Variants in ADAMTS19 observed in about 807,000 individuals in gnomAD.
ADAMTS19 encodes ADAM metallopeptidase with thrombospondin type 1 motif 19.
Under a neutral mutation model 153.3 loss-of-function variants are expected in ADAMTS19, and 93 were observed. The observed-to-expected ratio is 0.61, with a 90% CI of 0.51 to 0.72. The LOEUF (loss-of-function observed/expected upper bound fraction) is 0.72, where lower values mean the gene tolerates loss of function less well. ADAMTS19 is among the 30% of genes least tolerant of loss of function. ADAMTS19 has a pLI of 0.00. For missense variants in ADAMTS19, 1,482 were observed against 1,552.1 expected, an observed-to-expected ratio of 0.95 and a Z score of 0.76; for synonymous variants, 600 against 556.6, an observed-to-expected ratio of 1.08 and a Z score of -1.10.
At chr5:129,541,329 T>G (rs1017973518) in intron 6 of ADAMTS19, among the ~76,000 whole-genome samples, 5 of 152,018 alleles carry the variant, frequency 3.3e-5, no homozygotes, top group African/African-American at 1.2e-4. Context: ...TGTTTCACAT[T>G]ATGTAAATCA....
intron 3 of ADAMTS19, among the ~76,000 whole-genome samples, chr5:129,515,851 C>T (rs1751586974): frequency 6.6e-6 from 1 of 151,866 alleles, no homozygotes; most frequent in African/African-American, 2.4e-5. Context: ...GAGTGGGCAT[C>T]CTTGTAGTGT....
At chr5:129,648,623 A>G (rs1408121906) in intron 12 of ADAMTS19, among the ~76,000 whole-genome samples, 175 bp from the exon 13 acceptor site, 1 of 152,152 alleles carries the variant, frequency 6.6e-6, no homozygotes, top group African/African-American at 2.4e-5. Context: ...GAAAATATAT[A>G]TAGTTAAAGA....
At chr5:129,515,832 C>T (rs1751586165) in intron 3 of ADAMTS19, among the ~76,000 whole-genome samples, 1 of 151,832 alleles carries the variant, frequency 6.6e-6, no homozygotes, top group Admixed American at 6.6e-5. Flanking sequence ...TATTGAATAA[C>T]AGTGGAGAGA....
chr5:129,624,469 A>AAGTT (rs1300839702), intron 10 of ADAMTS19, among the ~76,000 whole-genome samples: 2 of 152,138 alleles, frequency 1.3e-5, no homozygotes, highest in Non-Finnish European at 2.9e-5. Flanking sequence ...TTACAGGCTG[A>AAGTT]AGTTACTATT....
At chr5:129,486,461 C>T (rs1472274914) in intron 2 of ADAMTS19, among the ~76,000 whole-genome samples, 1 of 152,036 alleles carries the variant, frequency 6.6e-6, no homozygotes, top group Non-Finnish European at 1.5e-5. Context: ...TCATTCACCA[C>T]CATAAATGAA....
At chr5:129,686,424 T>A (rs1304322669) in intron 18 of ADAMTS19, among the ~76,000 whole-genome samples, 1 of 152,078 alleles carries the variant, frequency 6.6e-6, no homozygotes, top group Middle Eastern at 3.2e-3. Flanking sequence ...GAAAGACTTG[T>A]TAGTCTCATG....
chr5:129,575,317 T>G (rs1754062011), intron 7 of ADAMTS19, among the ~76,000 whole-genome samples: 1 of 152,080 alleles, frequency 6.6e-6, no homozygotes, highest in South Asian at 2.1e-4. Flanking sequence ...GATATTTAAT[T>G]TTTTAATTGT....
intron 13 of ADAMTS19, among the ~76,000 whole-genome samples, chr5:129,649,758 TATAA>T (rs964885829): frequency 1.3e-5 from 2 of 152,194 alleles, no homozygotes; most frequent in African/African-American, 2.4e-5. Context: ...GTTGCTCAGG[TATAA>T]CCATGGGGAG....
At position 129,641,920 on chromosome 5, in the gene ADAMTS19, TA is replaced by T; in HGVS notation, c.1833del (p.Asp612ThrfsTer58). The T allele has an allele frequency of 6.2e-7, 1 of 1,604,872 alleles. No individual in the cohort carries two copies. The highest frequency in any genetic ancestry group is 8.5e-7 in the Non-Finnish European group (1 of 1,174,790). ...VEGEKECRTK[L>X]DPPMDGTDCD... ...GGTGAGAAAGAATGCAGAACCAAGC[TA>T]GACCCACCAATGGATGGAACTGACT... On this transcript the variant is annotated frameshift_variant, in exon 11 of 23. Transcript: ENST00000274487. LOFTEE classifies it high-confidence loss of function.
chr5:129,660,262 C>A (rs1178463539), intron 15 of ADAMTS19, among the ~76,000 whole-genome samples: 1 of 152,116 alleles, frequency 6.6e-6, no homozygotes, highest in Non-Finnish European at 1.5e-5. Context: ...CATCAAAAAT[C>A]TGCTGGCACT....
chr5:129,577,631 T>TA (rs1749207622), intron 7 of ADAMTS19, among the ~76,000 whole-genome samples: 1 of 152,134 alleles, frequency 6.6e-6, no homozygotes, highest in Non-Finnish European at 1.5e-5. Flanking sequence ...CAAGAGGTCC[T>TA]AAGATGTAAC....
chr5:129,525,886 A>G (rs920140130), intron 3 of ADAMTS19, among the ~76,000 whole-genome samples: 1 of 152,006 alleles, frequency 6.6e-6, no homozygotes, highest in African/African-American at 2.4e-5. Flanking sequence ...CTTTCAACTA[A>G]CAAGACCTTT....
chr5:129,707,909 A>G (rs1040210201), intron 21 of ADAMTS19, among the ~76,000 whole-genome samples: 5 of 152,160 alleles, frequency 3.3e-5, no homozygotes, highest in African/African-American at 1.2e-4. Flanking sequence ...TCCCTGGGAG[A>G]ATCAAAAGAA....
At chr5:129,673,979 C>A (rs968353833) in intron 16 of ADAMTS19, among the ~76,000 whole-genome samples, 7 of 152,080 alleles carry the variant, frequency 4.6e-5, no homozygotes, top group African/African-American at 1.7e-4. Flanking sequence ...GCCTGTAATG[C>A]CAGCACTTTG....
At chr5:129,617,114 G>A (rs764486830) in intron 8 of ADAMTS19, among the ~76,000 whole-genome samples, 1 of 151,984 alleles carries the variant, frequency 6.6e-6, no homozygotes, top group Non-Finnish European at 1.5e-5. Context: ...ACAGATTAAG[G>A]AACACAATTA....
At chr5:129,522,332 C>CATTATATATATATATAT (rs1751850140) in intron 3 of ADAMTS19, among the ~76,000 whole-genome samples, 1 of 58,626 alleles carries the variant, frequency 1.7e-5, no homozygotes, top group African/African-American at 8.9e-5. Context: ...CACACACACA[C>CATTATATATATATATAT]ATATATATAT....
chr5:129,709,550 G>T (rs1453003657), intron 21 of ADAMTS19, among the ~76,000 whole-genome samples: 2 of 152,050 alleles, frequency 1.3e-5, no homozygotes, highest in Non-Finnish European at 2.9e-5. Flanking sequence ...TTCAAAAAAA[G>T]TACAAATTAA....
At chr5:129,516,991 G>A (rs1324928283) in intron 3 of ADAMTS19, among the ~76,000 whole-genome samples, 2 of 131,548 alleles carry the variant, frequency 1.5e-5, no homozygotes, top group African/African-American at 5.7e-5. Context: ...CATTATCTTT[G>A]TTTCAAGAAA....
chr5:129,672,845 T>C (rs1754368669), intron 16 of ADAMTS19, among the ~76,000 whole-genome samples: 1 of 152,002 alleles, frequency 6.6e-6, no homozygotes, highest in Admixed American at 6.6e-5. Context: ...TACATACATA[T>C]ATGGCTATTC....
Sources: gnomAD v4.1 joint callset for allele counts (sites outside exome capture counted in the v4.1 genomes callset) on GRCh38, gnomAD v4.1.1 for gene constraint, MANE v1.5 for transcripts, NCBI Gene and HGNC (gene_info 2026-07-23, HGNC 2026-07-21) for gene names.